Variants in NUP50 observed in about 807,000 individuals in gnomAD.
NUP50 encodes nucleoporin 50, also known as nuclear pore complex protein Nup50.
A neutral mutation model predicts 36.8 loss-of-function variants in NUP50; 14 were observed. The ratio of observed to expected loss-of-function variants is 0.38; its 90% CI spans 0.25 to 0.59. The LOEUF (loss-of-function observed/expected upper bound fraction) is 0.59. NUP50 is among the 20% of genes least tolerant of loss of function. The pLI is 0.63. For synonymous variants in NUP50, 195 were observed against 210.8 expected, an observed-to-expected ratio of 0.93 and a Z score of 0.65; for missense variants, 455 against 564.6, an observed-to-expected ratio of 0.81 and a Z score of 1.97.
At chr22:45,183,085 C>G (rs867494081) in intron 6 of NUP50, among the ~76,000 whole-genome samples, 3,720 of 111,436 alleles carry the variant, frequency 0.033, no homozygotes, top group Non-Finnish European at 0.038. Context: ...GGGTTGGGGG[C>G]GGGGGGGGGG....
rs138867177 is a variant in NUP50, at chr22:45,169,896, C to T, written c.69+1650C>T. ...TAGTCATCCAGAGGCTTGAACCCCT[C>T]CCTGTGGTGCTGTGCTTCAGTGGTC... On this transcript the variant is annotated intron_variant, in intron 2 of 7. Coordinates refer to ENST00000347635, the MANE Select transcript of NUP50 (RefSeq NM_007172.4). Among the ~76,000 whole-genome samples the T allele has an allele frequency of 9.1e-3, 1,392 of 152,332 alleles. 8 individuals are homozygous for T. The highest frequency in any genetic ancestry group is 0.015 in the Non-Finnish European group (1,017 of 68,030).
chr22:45,170,318 CTG>C (rs1241201392), intron 2 of NUP50, among the ~76,000 whole-genome samples: 1 of 148,030 alleles, frequency 6.8e-6, no homozygotes, highest in African/African-American at 2.5e-5. Context: ...CTTACAATCT[CTG>C]TTTCCCCCTT....
In NUP50 at chr22:45,184,436, T is replaced by G; in HGVS notation, c.1205-17T>G. 6.2e-7 allele frequency: 1 copy of G among 1,609,592 alleles called. No homozygotes were observed. The highest frequency in any genetic ancestry group is 8.5e-7 in the Non-Finnish European group (1 of 1,178,510). The stretch of plus-strand genomic sequence containing the variant: ...TAGCTTCTATAATTTTGATGGGTTT[T>G]GTTTGTTTGAATGCAGGCAACATAT... On this transcript the variant is annotated splice_polypyrimidine_tract_variant and intron_variant, in intron 7 of 7. Transcript: ENST00000347635.
intron 4 of NUP50, among the ~76,000 whole-genome samples, chr22:45,177,313 T>C (rs2054739976): frequency 6.6e-6 from 1 of 152,142 alleles, no homozygotes; most frequent in African/African-American, 2.4e-5. Flanking sequence ...CCCCAGTAGC[T>C]GGGATTATAG....
intron 3 of NUP50, 191 bp downstream of exon 3, chr22:45,171,874 A>G: frequency 3.8e-6 from 2 of 523,128 alleles, no homozygotes; most frequent in East Asian, 6.1e-5. Context: ...TATCCAGTTG[A>G]GGAAATAAGA....
Position 45,187,318 on chromosome 22 carries a change from T to C in NUP50, c.*2663T>C, listed in dbSNP as rs2083459380. ...AAAGAAGTTTAGATTATGTTTTCCATGGAAGGACAAGTCTGACTGTTCATA... is the reference window on the plus strand; with the variant it reads ...AAAGAAGTTTAGATTATGTTTTCCACGGAAGGACAAGTCTGACTGTTCATA... On this transcript the variant is annotated 3_prime_UTR_variant, in exon 8 of 8. Transcript: ENST00000347635. 1 of 152,258 alleles carries C rather than the reference T, an allele frequency of 6.6e-6. No individual in the cohort carries two copies. The highest frequency in any genetic ancestry group is 1.5e-5 in the Non-Finnish European group (1 of 68,000). The allele number at this position is 152,258 out of a possible 1,614,324, so 9.4% of individuals were successfully genotyped here.
chr22:45,175,903 G>A lies in NUP50; in HGVS notation c.163G>A (p.Gly55Arg). The change falls in exon 4 of 8, where the codon GGA becomes AGA. Residue 55 changes from glycine to arginine, a missense_variant. Physicochemically the swap from Gly to Arg is moderately radical, Grantham distance 125 (BLOSUM62 -2). Around this residue, in one of 3 missense-constraint regions of NUP50, gnomAD observed 166 missense variants for 202.8 expected, o/e 0.82. Coordinates refer to ENST00000347635, the MANE Select transcript of NUP50 (RefSeq NM_007172.4). ...RRNVGFESDTGGAFKGFKGLV... is the reference protein window; with the variant it reads ...RRNVGFESDTRGAFKGFKGLV... The stretch of plus-strand genomic sequence containing the variant: ...CTCCTTCATACTTCAGTCTGACACT[G>A]GAGGAGCCTTTAAAGGTTTTAAAGG... 1 of 1,614,076 alleles carries A rather than the reference G, an allele frequency of 6.2e-7. No homozygotes were observed. The highest frequency in any genetic ancestry group is 1.1e-5 in the South Asian group (1 of 91,060).
intron 1 of NUP50, among the ~76,000 whole-genome samples, chr22:45,166,822 C>T (rs1255657091): frequency 1.3e-5 from 2 of 151,932 alleles, no homozygotes; most frequent in Non-Finnish European, 2.9e-5. Flanking sequence ...GAGAGGGTTC[C>T]CAGCGAATGG....
intron 4 of NUP50, among the ~76,000 whole-genome samples, chr22:45,177,035 C>T (rs915291773): frequency 1.9e-4 from 29 of 152,070 alleles, no homozygotes; most frequent in African/African-American, 3.4e-4. Flanking sequence ...CCACTGTGCC[C>T]GGCCTCTGTT....
intron 7 of NUP50, chr22:45,183,747 A>G (rs956401910): frequency 4.2e-6 from 2 of 471,550 alleles, no homozygotes; most frequent in South Asian, 5.6e-5. Context: ...CCTTTGTGTT[A>G]GAAATGTGAC....
At chr22:45,181,725 C>T (rs908401069) in intron 6 of NUP50, among the ~76,000 whole-genome samples, 10 of 152,196 alleles carry the variant, frequency 6.6e-5, no homozygotes, top group East Asian at 1.9e-4. Flanking sequence ...ATCGCAGAGT[C>T]AGTCAGTGAT....
At chr22:45,174,828 T>C (rs1033089453) in intron 3 of NUP50, among the ~76,000 whole-genome samples, 1 of 152,252 alleles carries the variant, frequency 6.6e-6, no homozygotes, top group Admixed American at 6.5e-5. Context: ...TTGCCTCATT[T>C]TATTGCCTTA....
intron 3 of NUP50, among the ~76,000 whole-genome samples, chr22:45,173,839 C>CT (rs2074235498): frequency 6.6e-6 from 1 of 152,266 alleles, no homozygotes; most frequent in East Asian, 1.9e-4. Flanking sequence ...CCTTGGGCAA[C>CT]TAAGGGAAAT....
chr22:45,181,988 A>T (rs2074380806), intron 6 of NUP50, among the ~76,000 whole-genome samples: 1 of 152,252 alleles, frequency 6.6e-6, no homozygotes, highest in Admixed American at 6.5e-5. Flanking sequence ...ATAATGAGCC[A>T]GCAGTTTTCC....
At chr22:45,180,378 T>G (rs1285391685) in intron 5 of NUP50, 5 of 151,196 alleles carry the variant, frequency 3.3e-5, no homozygotes, top group African/African-American at 1.2e-4. Flanking sequence ...TATGTGGGGT[T>G]TTTTATTTTT....
rs368107021 is a variant in NUP50 at position 45,183,650 on chromosome 22, CTTAT to C, written c.1204+135_1204+138del. 2.9e-4 allele frequency: 199 copies of C among 677,114 alleles called. 2 individuals carry two copies. The highest frequency in any genetic ancestry group is 1.9e-3 in the South Asian group (109 of 58,152). The allele number at this position is 677,114 out of a possible 1,614,324, so 41.9% of individuals were successfully genotyped here. A position where few individuals can be genotyped will look rare whatever the true frequency, so the allele number is the denominator to read the frequency against. ...TCAGGCCAAATTCATCCTGTATTTACTTATTTATAGTTTTGAGTCCCAGGATAAT... is the reference window on the plus strand; with the variant it reads ...TCAGGCCAAATTCATCCTGTATTTACTTATAGTTTTGAGTCCCAGGATAAT... On this transcript the variant is annotated intron_variant, in intron 7 of 7. Transcript: ENST00000347635.
intron 5 of NUP50, chr22:45,180,122 G>A (rs573851922): frequency 6.6e-6 from 1 of 152,344 alleles, no homozygotes; most frequent in East Asian, 1.9e-4. Flanking sequence ...CAAATGGGGA[G>A]TCTTTCCTGA....
rs1455514055 is a variant in NUP50, at chr22:45,187,690, C to T, written c.*3035C>T. ...AATTTGAGTAGATACTGATTTGTCC[C>T]GTAGTATGGCAGATGACAGGGAGGT... On this transcript the variant is annotated 3_prime_UTR_variant, in exon 8 of 8. Transcript: ENST00000347635. The T allele has an allele frequency of 1.3e-5, 2 of 152,160 alleles. No individual in the cohort carries two copies. Among genetic ancestry groups the T allele is most frequent in the East Asian group, 1.9e-4 (1 of 5,194 alleles). The allele number at this position is 152,160 out of a possible 1,614,324, so 9.4% of individuals were successfully genotyped here. A position where few individuals can be genotyped will look rare whatever the true frequency, so the allele number is the denominator to read the frequency against.
At chr22:45,181,564 TCTCA>T (rs1176171347) in intron 6 of NUP50, among the ~76,000 whole-genome samples, 197 bp downstream of exon 6, 3 of 152,122 alleles carry the variant, frequency 2.0e-5, no homozygotes, top group Non-Finnish European at 4.4e-5. Flanking sequence ...GGTGGGCAGG[TCTCA>T]CTCTTTTCTG....
Sources: allele counts gnomAD v4.1 joint callset (sites outside exome capture counted in the v4.1 genomes callset), GRCh38; gene constraint gnomAD v4.1.1; regional missense constraint gnomAD v4.1.1; transcripts MANE v1.5; gene names NCBI Gene and HGNC (gene_info 2026-07-23, HGNC 2026-07-21).